Variants in CSMD1 observed in about 807,000 individuals in gnomAD.
CSMD1 encodes CUB and sushi domain-containing protein 1.
CSMD1 carries 213 observed loss-of-function variants against 417.5 expected under a neutral mutation model. That is an observed-to-expected ratio of 0.51 (90% CI 0.46 to 0.57). CSMD1 has a LOEUF of 0.57. CSMD1 is among the 20% of genes least tolerant of loss of function. The pLI is 0.00. For missense variants in CSMD1, 6,923 were observed against 4,529.7 expected (o/e 1.53, Z -15.17); for synonymous variants, 2,862 against 1,736.8 (o/e 1.65, Z -16.11).
chr8:4,281,750 G>A (rs1414234947), intron 3 of CSMD1, among the ~76,000 whole-genome samples: 3 of 152,004 alleles, frequency 2.0e-5, no homozygotes. Context: ...GTCTCTACTT[G>A]TTTTCAAAAT....
chr8:3,489,798 T>A (rs986639824), intron 11 of CSMD1, among the ~76,000 whole-genome samples: 3 of 152,186 alleles, frequency 2.0e-5, no homozygotes, highest in Non-Finnish European at 4.4e-5. Context: ...TCCAAATTTC[T>A]CTTAAAATCG....
chr8:3,238,865 C>T (rs1207944698), intron 26 of CSMD1, among the ~76,000 whole-genome samples: 1 of 152,046 alleles, frequency 6.6e-6, no homozygotes, highest in African/African-American at 2.4e-5. Flanking sequence ...GCTGTAATGG[C>T]TTGGAGAAAT....
chr8:3,954,391 C>G (rs1489963885), intron 5 of CSMD1, among the ~76,000 whole-genome samples: 1 of 152,066 alleles, frequency 6.6e-6, no homozygotes, highest in South Asian at 2.1e-4. Context: ...GAGACGGAGT[C>G]TCGCTCTGCT....
chr8:3,879,375 A>G (rs1187298016), intron 5 of CSMD1, among the ~76,000 whole-genome samples: 1 of 152,190 alleles, frequency 6.6e-6, no homozygotes, highest in South Asian at 2.1e-4. Flanking sequence ...CTCTATAGAC[A>G]TAAAGTATTC....
At chr8:4,831,935 C>T (rs940450227) in intron 1 of CSMD1, among the ~76,000 whole-genome samples, 1 of 152,070 alleles carries the variant, frequency 6.6e-6, no homozygotes. Flanking sequence ...CTGGGACCTT[C>T]GAGATTTAAA....
chr8:4,443,629 G>A (rs896645599), intron 2 of CSMD1, among the ~76,000 whole-genome samples: 1 of 152,138 alleles, frequency 6.6e-6, no homozygotes, highest in African/African-American at 2.4e-5. Flanking sequence ...AGAATGTACT[G>A]GAACAGCCAT....
At chr8:3,374,774 T>G (rs980326410) in intron 18 of CSMD1, among the ~76,000 whole-genome samples, 1 of 152,192 alleles carries the variant, frequency 6.6e-6, no homozygotes, top group African/African-American at 2.4e-5. Flanking sequence ...CTGATGTTCA[T>G]GGCAAAGCAC....
intron 3 of CSMD1, among the ~76,000 whole-genome samples, chr8:4,234,886 G>C (rs953609832): frequency 6.6e-6 from 1 of 152,066 alleles, no homozygotes; most frequent in African/African-American, 2.4e-5. Context: ...CTCGGTGTGT[G>C]AACAAAAAAC....
chr8:4,578,082 G>C (rs974457705), intron 2 of CSMD1, among the ~76,000 whole-genome samples: 1 of 152,106 alleles, frequency 6.6e-6, no homozygotes, highest in African/African-American at 2.4e-5. Flanking sequence ...AAGTGCACCC[G>C]AGTTAGCTCA....
chr8:4,137,766 T>C (rs1803522737), intron 3 of CSMD1, among the ~76,000 whole-genome samples: 1 of 149,550 alleles, frequency 6.7e-6, no homozygotes, highest in African/African-American at 2.4e-5. Flanking sequence ...TTCCTAAATT[T>C]CTCAAGGAAA....
At chr8:3,640,689 G>C (rs1437345803) in intron 7 of CSMD1, among the ~76,000 whole-genome samples, 2 of 152,206 alleles carry the variant, frequency 1.3e-5, no homozygotes, top group African/African-American at 2.4e-5. Context: ...AGAAAAAGGA[G>C]AGTGTGTGTC....
chr8:4,874,546 C>T (rs1244480095), intron 1 of CSMD1, among the ~76,000 whole-genome samples: 3 of 151,626 alleles, frequency 2.0e-5, no homozygotes, highest in Non-Finnish European at 2.9e-5. Flanking sequence ...CCTGCCACCT[C>T]TCCCGGCTAA....
intron 5 of CSMD1, among the ~76,000 whole-genome samples, chr8:3,793,962 G>T (rs1799894276): frequency 6.6e-6 from 1 of 152,158 alleles, no homozygotes; most frequent in South Asian, 2.1e-4. Flanking sequence ...GCTGCTATGT[G>T]TAATAAATGG....
chr8:3,194,041 C>A (rs1796567349), intron 33 of CSMD1, among the ~76,000 whole-genome samples: 1 of 152,186 alleles, frequency 6.6e-6, no homozygotes, highest in Admixed American at 6.5e-5. Flanking sequence ...TTTTCTCTCT[C>A]AAAATCATTC....
intron 2 of CSMD1, among the ~76,000 whole-genome samples, chr8:4,473,683 G>T (rs753916645): frequency 1.7e-4 from 26 of 152,150 alleles, no homozygotes; most frequent in Non-Finnish European, 3.5e-4. Context: ...CTAGGTAACT[G>T]TCAAAATTAA....
chr8:2,938,847 A>G (rs1040334731), intron 69 of CSMD1, 103 bp from the exon 70 acceptor site: 1 of 1,014,758 alleles, frequency 9.9e-7, no homozygotes, highest in Non-Finnish European at 1.4e-6. Flanking sequence ...AGGGAGCAGT[A>G]TAGCCAGGAC....
intron 9 of CSMD1, among the ~76,000 whole-genome samples, chr8:3,582,597 T>A (rs1184187056): frequency 6.6e-6 from 1 of 152,192 alleles, no homozygotes; most frequent in Non-Finnish European, 1.5e-5. Flanking sequence ...TGGCAACTGC[T>A]AGCCACACGT....
intron 5 of CSMD1, among the ~76,000 whole-genome samples, chr8:3,875,534 G>A (rs1313116135): frequency 6.6e-6 from 1 of 152,132 alleles, no homozygotes; most frequent in African/African-American, 2.4e-5. Flanking sequence ...AGCCGGCATG[G>A]AAGAAGGAAA....
intron 23 of CSMD1, among the ~76,000 whole-genome samples, chr8:3,317,895 T>C (rs549305601): frequency 6.6e-6 from 1 of 152,260 alleles, no homozygotes; most frequent in African/African-American, 2.4e-5. Context: ...ACTACAGCCT[T>C]GACCTAGCAG....
Sources: allele counts gnomAD v4.1 joint callset (sites outside exome capture counted in the v4.1 genomes callset), GRCh38; gene constraint gnomAD v4.1.1; transcripts MANE v1.5; gene names NCBI Gene and HGNC (gene_info 2026-07-23, HGNC 2026-07-21).